Variants in HCN1 observed in about 807,000 individuals in gnomAD.
HCN1 encodes hyperpolarization activated cyclic nucleotide gated potassium channel 1.
HCN1 carries 13 observed loss-of-function variants against 78.9 expected under a neutral mutation model. That is an observed-to-expected ratio of 0.16 (90% confidence interval 0.11 to 0.26). The LOEUF (loss-of-function observed/expected upper bound fraction) is 0.26, where lower values mean the gene tolerates loss of function less well. Ranked by LOEUF, HCN1 falls within the 10% of genes least tolerant of loss-of-function variation. The pLI is 1.00. For synonymous variants in HCN1, 552 were observed against 455.5 expected, an observed-to-expected ratio of 1.21 and a Z score of -2.70; for missense variants, 810 against 1,154.3, an observed-to-expected ratio of 0.70 and a Z score of 4.32.
At chr5:45,529,647 G>C (rs1204555865) in intron 2 of HCN1, among the ~76,000 whole-genome samples, 1 of 151,800 alleles carries the variant, frequency 6.6e-6, no homozygotes, top group African/African-American at 2.4e-5. Context: ...AATTAAAATA[G>C]ACAAAATGAA....
At chr5:45,475,679 G>A (rs1409018673) in intron 2 of HCN1, among the ~76,000 whole-genome samples, 4 of 152,022 alleles carry the variant, frequency 2.6e-5, no homozygotes, top group Non-Finnish European at 4.4e-5. Flanking sequence ...CATGTTTTCT[G>A]CTAAATTCAG....
At chr5:45,490,242 A>G (rs1215753310) in intron 2 of HCN1, among the ~76,000 whole-genome samples, 74 of 152,164 alleles carry the variant, frequency 4.9e-4, no homozygotes, top group Admixed American at 4.9e-3. Context: ...ATACATTTGC[A>G]GGTTAGTCAG....
intron 2 of HCN1, among the ~76,000 whole-genome samples, chr5:45,638,121 CT>C (rs1192040663): frequency 6.6e-6 from 1 of 152,004 alleles, no homozygotes; most frequent in East Asian, 1.9e-4. Flanking sequence ...TTGGTTATTT[CT>C]TAGAAATTAA....
intron 2 of HCN1, chr5:45,559,514 T>G (rs1424650210): frequency 6.6e-6 from 1 of 152,198 alleles, no homozygotes; most frequent in Non-Finnish European, 1.5e-5. Flanking sequence ...GGTTCAAGAC[T>G]TTAGTGGAGG....
At chr5:45,535,918 T>C (rs1026057777) in intron 2 of HCN1, among the ~76,000 whole-genome samples, 8 of 152,184 alleles carry the variant, frequency 5.3e-5, no homozygotes, top group Non-Finnish European at 1.2e-4. Context: ...TCAGTTTTTG[T>C]CTAACTAAAA....
intron 4 of HCN1, among the ~76,000 whole-genome samples, chr5:45,389,583 A>T (rs181556564): frequency 1.6e-4 from 24 of 152,290 alleles, no homozygotes; most frequent in Admixed American, 2.6e-4. Flanking sequence ...ACACATGGTT[A>T]GCATTCTGCA....
At chr5:45,307,497 A>T (rs1037827267) in intron 5 of HCN1, among the ~76,000 whole-genome samples, 2 of 152,126 alleles carry the variant, frequency 1.3e-5, no homozygotes, top group East Asian at 3.9e-4. Flanking sequence ...GGTAGCATGT[A>T]CTCTTGGTTT....
At chr5:45,608,343 G>A (rs1362515292) in intron 2 of HCN1, among the ~76,000 whole-genome samples, 1 of 147,760 alleles carries the variant, frequency 6.8e-6, no homozygotes, top group Non-Finnish European at 1.5e-5. Context: ...GTTCCAAATG[G>A]GTAGGATGGG....
At chr5:45,504,008 A>G (rs895051424) in intron 2 of HCN1, among the ~76,000 whole-genome samples, 1 of 151,420 alleles carries the variant, frequency 6.6e-6, no homozygotes, top group Admixed American at 6.6e-5. Context: ...CTGGTCTTGA[A>G]CTCCTGACCT....
chr5:45,691,891 AG>A (rs1561247038), intron 1 of HCN1, among the ~76,000 whole-genome samples: 1 of 152,198 alleles, frequency 6.6e-6, no homozygotes, highest in Non-Finnish European at 1.5e-5. Flanking sequence ...ATCTTCAGGA[AG>A]TAACTCCCAT....
At chr5:45,627,280 T>A (rs373854949) in intron 2 of HCN1, among the ~76,000 whole-genome samples, 10 of 152,160 alleles carry the variant, frequency 6.6e-5, no homozygotes, top group African/African-American at 2.2e-4. Context: ...AGGCTTCACA[T>A]CTGAATAGCA....
chr5:45,447,759 T>C (rs1372519606), intron 3 of HCN1, among the ~76,000 whole-genome samples: 4 of 152,158 alleles, frequency 2.6e-5, no homozygotes, highest in Non-Finnish European at 5.9e-5. Flanking sequence ...TAGAAACATT[T>C]GTATAAGTAC....
intron 2 of HCN1, among the ~76,000 whole-genome samples, chr5:45,539,154 C>A (rs374727220): frequency 6.6e-6 from 1 of 152,060 alleles, no homozygotes; most frequent in Non-Finnish European, 1.5e-5. Context: ...CTGTCAAATG[C>A]GGATGATAAT....
intron 5 of HCN1, among the ~76,000 whole-genome samples, chr5:45,304,633 C>T (rs1298381767): frequency 6.6e-6 from 1 of 152,076 alleles, no homozygotes; most frequent in African/African-American, 2.4e-5. Context: ...CAAGATCATA[C>T]CACTGCACTC....
chr5:45,612,779 T>C (rs910873864), intron 2 of HCN1, among the ~76,000 whole-genome samples: 16 of 152,110 alleles, frequency 1.1e-4, no homozygotes, highest in Admixed American at 3.9e-4. Flanking sequence ...CTTTGCCCCA[T>C]TCTGTTTTCA....
intron 2 of HCN1, among the ~76,000 whole-genome samples, chr5:45,592,015 G>A (rs1211894461): frequency 2.0e-5 from 3 of 151,726 alleles, no homozygotes; most frequent in African/African-American, 4.8e-5. Flanking sequence ...TTGCCACATG[G>A]ATGTCCATTT....
intron 3 of HCN1, among the ~76,000 whole-genome samples, chr5:45,421,196 G>A (rs1352525651): frequency 6.6e-6 from 1 of 152,038 alleles, no homozygotes; most frequent in Admixed American, 6.6e-5. Context: ...CTGAGTAGCT[G>A]GGACTACAGG....
At chr5:45,329,773 G>C (rs1746308491) in intron 5 of HCN1, among the ~76,000 whole-genome samples, 1 of 151,324 alleles carries the variant, frequency 6.6e-6, no homozygotes, top group African/African-American at 2.4e-5. Context: ...AAAATTCAGA[G>C]ATACCTGTCA....
chr5:45,397,958 TTTTAAA>T (rs1453357493), intron 3 of HCN1, among the ~76,000 whole-genome samples: 3 of 151,648 alleles, frequency 2.0e-5, no homozygotes, highest in Non-Finnish European at 4.4e-5. Context: ...GATTACTTAT[TTTTAAA>T]TTTAAATTTA....
Sources: gnomAD v4.1 joint callset for allele counts (sites outside exome capture counted in the v4.1 genomes callset) on GRCh38, gnomAD v4.1.1 for gene constraint, MANE v1.5 for transcripts, NCBI Gene and HGNC (gene_info 2026-07-23, HGNC 2026-07-21) for gene names.